RFTN1: variants seen among roughly 807,000 people sequenced by gnomAD.
RFTN1 encodes the protein raftlin.
RFTN1 carries 26 observed loss-of-function variants against 46.5 expected under a neutral mutation model. The observed-to-expected ratio is 0.56, with a 90% CI of 0.41 to 0.78. The LOEUF (loss-of-function observed/expected upper bound fraction) is 0.78, where lower values mean the gene tolerates loss of function less well. RFTN1 is among the 30% of genes least tolerant of loss of function. The probability of loss-of-function intolerance (pLI) is 0.00; values close to 1 mark genes in which losing one functional copy is unlikely to be tolerated. For synonymous variants in RFTN1, 261 were observed against 284.2 expected, an observed-to-expected ratio of 0.92 and a Z score of 0.82; for missense variants, 693 against 718.7, an observed-to-expected ratio of 0.96 and a Z score of 0.41.
Position 16,338,769 on chromosome 3 carries a change from C to T in RFTN1, c.1147-11893G>A, listed in dbSNP as rs1049219309. ...TTCTGATTTTTCACCTTATGTATTACCTAGAAAAGAGAAAAGGGATTGAAA... is the reference window on the plus strand; with the variant it reads ...TTCTGATTTTTCACCTTATGTATTATCTAGAAAAGAGAAAAGGGATTGAAA... On this transcript the variant is annotated intron_variant, in intron 7 of 9. Coordinates refer to ENST00000334133, the MANE Select transcript of RFTN1 (RefSeq NM_015150.2). This position sits in a 1 kb window ranked among gnomAD's most constrained non-coding sequence, Gnocchi z 5.3. Among the ~76,000 whole-genome samples, 2 of 152,022 alleles carry T rather than the reference C, an allele frequency of 1.3e-5. No individual in the cohort carries two copies. Among genetic ancestry groups the T allele is most frequent in the Admixed American group, 6.5e-5 (1 of 15,280 alleles).
intron 8 of RFTN1, among the ~76,000 whole-genome samples, chr3:16,325,577 T>TAACC (rs2069610647): frequency 6.6e-6 from 1 of 152,146 alleles, no homozygotes; most frequent in African/African-American, 2.4e-5. Context: ...AGACTTGGGT[T>TAACC]CAAGTCTTCA....
rs1481430522 is a variant in RFTN1, at chr3:16,380,660, T to A, written c.442-2558A>T. ...TTCTCAGGCCCCACCACAGACCTAC[T>A]GAGTCAGAAACTCTGAGGGTGAGAT... On this transcript the variant is annotated intron_variant, in intron 4 of 9. Transcript: ENST00000334133. The surrounding 1 kb of genome is among the most constrained non-coding windows in gnomAD (Gnocchi z 4.8). 6.6e-6 allele frequency among the ~76,000 whole-genome samples: 1 copy of A among 152,100 alleles called. No individual in the cohort carries two copies. Among genetic ancestry groups the A allele is most frequent in the Non-Finnish European group, 1.5e-5 (1 of 68,012 alleles).
At chr3:16,486,436 A>G (rs552049288) in intron 2 of RFTN1, among the ~76,000 whole-genome samples, 54 of 152,174 alleles carry the variant, frequency 3.5e-4, no homozygotes, top group Non-Finnish European at 7.4e-4. Flanking sequence ...CCCCCAAAGA[A>G]CATGCTCCAA....
At position 16,335,548 on chromosome 3, in the gene RFTN1, G is replaced by T. The variant is rs2070760820; in HGVS notation, c.1147-8672C>A. Among the ~76,000 whole-genome samples the T allele has an allele frequency of 6.6e-6, 1 of 152,204 alleles. No individual in the cohort carries two copies. Among genetic ancestry groups the T allele is most frequent in the Non-Finnish European group, 1.5e-5 (1 of 68,034 alleles). On this transcript the variant is annotated intron_variant, in intron 7 of 9. Transcript: ENST00000334133. The surrounding 1 kb of genome is among the most constrained non-coding windows in gnomAD (Gnocchi z 4.7). ...ACACCACATGTTCTCACTTACAAGTGGGAGAGCTGAACGGTGAAAACACAT... is the reference window on the plus strand; with the variant it reads ...ACACCACATGTTCTCACTTACAAGTTGGAGAGCTGAACGGTGAAAACACAT...
chr3:16,365,230 C>CT (rs1310133418), intron 6 of RFTN1, among the ~76,000 whole-genome samples: 9 of 146,052 alleles, frequency 6.2e-5, no homozygotes, highest in South Asian at 2.3e-4. Flanking sequence ...CATTCTCCCT[C>CT]TTTACCAGTC....
chr3:16,484,484 C>A lies in RFTN1; in HGVS notation c.145+9241G>T, dbSNP rs1161022325. Among the ~76,000 whole-genome samples, 21 of 152,100 alleles carry A rather than the reference C, an allele frequency of 1.4e-4. No individual in the cohort carries two copies. The highest frequency in any genetic ancestry group is 1.4e-3 in the Admixed American group (21 of 15,272). Reference sequence around the variant, plus strand: ...CAGCACAATGTCGAAGAAAACATCCCGAAAATCAGTTCTTAAAGTCCTCTT... The same window carrying A: ...CAGCACAATGTCGAAGAAAACATCCAGAAAATCAGTTCTTAAAGTCCTCTT... On this transcript the variant is annotated intron_variant, in intron 2 of 9. Coordinates refer to ENST00000334133, the MANE Select transcript of RFTN1 (RefSeq NM_015150.2). The surrounding 1 kb of genome is among the most constrained non-coding windows in gnomAD (Gnocchi z 4.6).
At chr3:16,485,962 A>G (rs753622771) in intron 2 of RFTN1, among the ~76,000 whole-genome samples, 8 of 152,218 alleles carry the variant, frequency 5.3e-5, no homozygotes, top group African/African-American at 1.9e-4. Flanking sequence ...GAAAAGAAAA[A>G]TACCTTCCTT....
rs1199317581 is a variant in RFTN1, at chr3:16,442,465, G to T, written c.146-8428C>A. Among the ~76,000 whole-genome samples the T allele has an allele frequency of 1.3e-5, 2 of 151,940 alleles. No individual in the cohort carries two copies. The highest frequency in any genetic ancestry group is 4.8e-5 in the African/African-American group (2 of 41,346). ...TTTTAAATTTTAATGGATTTTTGTT[G>T]TGTATATTCAAGGTGTACAACATGA... On this transcript the variant is annotated intron_variant, in intron 2 of 9. Transcript: ENST00000334133. This position sits in a 1 kb window ranked among gnomAD's most constrained non-coding sequence, Gnocchi z 4.1.
At chr3:16,373,541 T>C (rs1386824378) in intron 5 of RFTN1, among the ~76,000 whole-genome samples, 2 of 152,024 alleles carry the variant, frequency 1.3e-5, no homozygotes, top group African/African-American at 4.8e-5. Context: ...TGGCACAGGA[T>C]GGAAGGCTGC....
At position 16,403,454 on chromosome 3, in the gene RFTN1, C is replaced by T. The variant is rs146862186; in HGVS notation, c.441+5921G>A. Among the ~76,000 whole-genome samples, 513 of 147,900 alleles carry T rather than the reference C, an allele frequency of 3.5e-3. 7 individuals carry two copies. The highest frequency in any genetic ancestry group is 0.012 in the African/African-American group (489 of 39,788). On this transcript the variant is annotated intron_variant, in intron 4 of 9. Coordinates refer to ENST00000334133, the MANE Select transcript of RFTN1 (RefSeq NM_015150.2). The stretch of plus-strand genomic sequence containing the variant: ...GCACTTCAGCATAAGGTTTGCCTAA[C>T]GCATGAGGAGGATTCCCTCTGCAGA...
chr3:16,452,157 C>T lies in RFTN1; in HGVS notation c.146-18120G>A, dbSNP rs541748911. On this transcript the variant is annotated intron_variant, in intron 2 of 9. Transcript: ENST00000334133. The surrounding 1 kb of genome is among the most constrained non-coding windows in gnomAD (Gnocchi z 6.3). ...TTTTTCATTTCATATTTTGGAAACA[C>T]GGTTGACTATAGGTAACCAAAACCA... is the stretch of plus-strand genomic sequence containing the variant. Among the ~76,000 whole-genome samples the T allele has an allele frequency of 3.3e-5, 5 of 152,194 alleles. No homozygotes were observed. In the East Asian group the frequency reaches 7.7e-4, roughly 23 times the overall value.
chr3:16,493,657 C>T (rs2076578080), intron 2 of RFTN1, 68 bp downstream of exon 2: 2 of 1,337,748 alleles, frequency 1.5e-6, no homozygotes, highest in Non-Finnish European at 2.0e-6. Context: ...CCAACTGCAC[C>T]CCCATCCCCT....
intron 6 of RFTN1, among the ~76,000 whole-genome samples, chr3:16,363,659 C>T (rs1166192829): frequency 6.6e-6 from 1 of 152,246 alleles, no homozygotes; most frequent in African/African-American, 2.4e-5. Context: ...ATGTGCATGC[C>T]ATGACAAGCG....
At chr3:16,492,519 G>A (rs1167041972) in intron 2 of RFTN1, among the ~76,000 whole-genome samples, 1 of 152,184 alleles carries the variant, frequency 6.6e-6, no homozygotes, top group African/African-American at 2.4e-5. Context: ...CAGTTGCTCT[G>A]AGGCAGAGCC....
chr3:16,316,744 A>G lies in RFTN1; in HGVS notation c.*84T>C, dbSNP rs886315691. 4 of 1,542,324 alleles carry G rather than the reference A, an allele frequency of 2.6e-6. No individual in the cohort carries two copies. Among genetic ancestry groups the G allele is most frequent in the Admixed American group, 1.7e-5 (1 of 58,450 alleles). On this transcript the variant is annotated 3_prime_UTR_variant, in exon 10 of 10. Transcript: ENST00000334133. This position sits in a 1 kb window ranked among gnomAD's most constrained non-coding sequence, Gnocchi z 4.5. ...CAAAGGGTAGGTAACACACAACACC[A>G]GGGAAACCAGCCCCCAAACCAGCTG...
Position 16,441,596 on chromosome 3 carries a change from C to G in RFTN1, c.146-7559G>C, listed in dbSNP as rs150034395. Among the ~76,000 whole-genome samples, 1,135 of 152,318 alleles carry G rather than the reference C, an allele frequency of 7.5e-3. 17 individuals carry two copies. Among genetic ancestry groups the G allele is most frequent in the African/African-American group, 0.026 (1,073 of 41,568 alleles). ...GCATACAGCAACTGCCCATTTCACT[C>G]AGCTCTGTAAAGCAGGAAACAGCAG... On this transcript the variant is annotated intron_variant, in intron 2 of 9. Coordinates refer to ENST00000334133, the MANE Select transcript of RFTN1 (RefSeq NM_015150.2).
At chr3:16,359,262 G>C (rs1001886719) in intron 6 of RFTN1, among the ~76,000 whole-genome samples, 1 of 151,938 alleles carries the variant, frequency 6.6e-6, no homozygotes, top group Non-Finnish European at 1.5e-5. Context: ...CTCATCTATG[G>C]GATTATGGAC....
intron 2 of RFTN1, among the ~76,000 whole-genome samples, chr3:16,488,796 T>C (rs2076494274): frequency 1.3e-5 from 2 of 152,192 alleles, no homozygotes; most frequent in African/African-American, 2.4e-5. Flanking sequence ...TTTCCTTGTC[T>C]GCAAAAAGAA....
Position 16,376,788 on chromosome 3 carries a change from A to G in RFTN1, c.826+930T>C, listed in dbSNP as rs1479178227. Among the ~76,000 whole-genome samples, 1 of 152,182 alleles carries G rather than the reference A, an allele frequency of 6.6e-6. No individual in the cohort carries two copies. The highest frequency in any genetic ancestry group is 6.5e-5 in the Admixed American group (1 of 15,284). On this transcript the variant is annotated intron_variant, in intron 5 of 9. Coordinates refer to ENST00000334133, the MANE Select transcript of RFTN1 (RefSeq NM_015150.2). The surrounding 1 kb of genome is among the most constrained non-coding windows in gnomAD (Gnocchi z 4.7). The stretch of plus-strand genomic sequence containing the variant: ...TTAACCATCCCATAATTTTCCTCTC[A>G]AGAAGTTCTGATGTAACAAAAGAAA...
Sources: gnomAD v4.1 joint callset for allele counts (sites outside exome capture counted in the v4.1 genomes callset) on GRCh38, gnomAD v4.1.1 for gene constraint, Gnocchi (gnomAD v3.1) non-coding constraint, MANE v1.5 for transcripts, NCBI Gene and HGNC (gene_info 2026-07-23, HGNC 2026-07-21) for gene names.